Variants in HPSE2 observed in about 807,000 individuals in gnomAD.
The protein encoded by HPSE2 is inactive heparanase-2.
Under a neutral mutation model 60.5 loss-of-function variants are expected in HPSE2, and 38 were observed. The ratio of observed to expected loss-of-function variants is 0.63; its 90% CI spans 0.48 to 0.82. The LOEUF is 0.82. Among genes scored for constraint, HPSE2 ranks in the 40% least tolerant of loss-of-function variants. HPSE2 has a pLI of 0.00. For missense variants in HPSE2, 713 were observed against 740.4 expected, an observed-to-expected ratio of 0.96 and a Z score of 0.43; for synonymous variants, 295 against 293.2, an observed-to-expected ratio of 1.01 and a Z score of -0.06.
chr10:99,311,624 C>G, the HPSE2 span, among the ~76,000 whole-genome samples: 1 of 152,136 alleles, frequency 6.6e-6, no homozygotes, highest in African/African-American at 2.4e-5. Flanking sequence ...TCATCTCAGA[C>G]CTCCTATTCC....
intron 3 of HPSE2, among the ~76,000 whole-genome samples, chr10:98,795,267 C>A (rs1041371646): frequency 6.6e-6 from 1 of 152,200 alleles, no homozygotes; most frequent in Admixed American, 6.5e-5. Flanking sequence ...TGAAAAGAGG[C>A]ATTGAAGAGG....
intron 6 of HPSE2, among the ~76,000 whole-genome samples, chr10:98,648,862 C>G (rs1400835942): frequency 6.6e-6 from 1 of 152,006 alleles, no homozygotes; most frequent in Non-Finnish European, 1.5e-5. Context: ...AATCAAGTTC[C>G]TTTCTTCTGA....
rs540995686 is a variant in HPSE2 at position 98,938,766 on chromosome 10, C to T, written c.611-194710G>A. On this transcript the variant is annotated intron_variant, in intron 3 of 11. Transcript: ENST00000370552. ...AAAGATACTCCTCAAGAAGAGCAAC[C>T]CCAAGACACATCATTGTCAGATTCA... Among the ~76,000 whole-genome samples the T allele has an allele frequency of 3.6e-4, 52 of 142,942 alleles. 9 individuals are homozygous for T. The highest frequency in any genetic ancestry group is 1.2e-3 in the African/African-American group (43 of 34,948). The allele number at this position is 142,942 out of a possible 152,430, so 93.8% of individuals were successfully genotyped here.
chr10:98,892,979 T>C (rs567684467), intron 3 of HPSE2, among the ~76,000 whole-genome samples: 1 of 152,312 alleles, frequency 6.6e-6, no homozygotes, highest in African/African-American at 2.4e-5. Flanking sequence ...TTAGGTACAT[T>C]ATCTCATTTA....
the HPSE2 span, among the ~76,000 whole-genome samples, chr10:99,270,762 C>G: frequency 6.6e-6 from 1 of 152,128 alleles, no homozygotes; most frequent in African/African-American, 2.4e-5. Context: ...CTGAATCCAA[C>G]AGTGTATCAA....
At chr10:98,702,715 T>TAAAG (rs1490626252) in intron 5 of HPSE2, among the ~76,000 whole-genome samples, 3 of 152,064 alleles carry the variant, frequency 2.0e-5, no homozygotes, top group Non-Finnish European at 4.4e-5. Context: ...AAGGAAGAAA[T>TAAAG]AAAGAAGTTC....
At chr10:99,000,472 A>C (rs746485330) in intron 3 of HPSE2, among the ~76,000 whole-genome samples, 2 of 152,140 alleles carry the variant, frequency 1.3e-5, no homozygotes, top group Non-Finnish European at 2.9e-5. Flanking sequence ...AATTGCATAG[A>C]GTGACAAGAG....
At chr10:98,769,157 G>A (rs1230837047) in intron 3 of HPSE2, among the ~76,000 whole-genome samples, 2 of 152,052 alleles carry the variant, frequency 1.3e-5, no homozygotes, top group East Asian at 1.9e-4. Flanking sequence ...TAAAGTATAC[G>A]CAAATTGAAG....
Position 98,991,997 on chromosome 10 carries a change from T to C in HPSE2, c.610+152241A>G, listed in dbSNP as rs375312866. 1.1e-4 allele frequency among the ~76,000 whole-genome samples: 16 copies of C among 152,306 alleles called. No individual in the cohort carries two copies. The South Asian group carries it at 2.9e-3, about 28-fold the overall frequency. On this transcript the variant is annotated intron_variant, in intron 3 of 11. Coordinates refer to ENST00000370552, the MANE Select transcript of HPSE2 (RefSeq NM_021828.5). Reference sequence around the variant, plus strand: ...TTCCACATACCTTTCTCTAAAGCCATATAGCACCAATGCCTTTCCACTCAT... The same window carrying C: ...TTCCACATACCTTTCTCTAAAGCCACATAGCACCAATGCCTTTCCACTCAT...
At chr10:98,781,284 CTTCTTTTT>C (rs1950460406) in intron 3 of HPSE2, among the ~76,000 whole-genome samples, 1 of 87,154 alleles carries the variant, frequency 1.1e-5, no homozygotes, top group South Asian at 4.3e-4. Flanking sequence ...CATATATCCA[CTTCTTTTT>C]TTTTTTTTTT....
At chr10:98,979,084 A>G (rs1393094530) in intron 3 of HPSE2, among the ~76,000 whole-genome samples, 1 of 152,180 alleles carries the variant, frequency 6.6e-6, no homozygotes, top group African/African-American at 2.4e-5. Flanking sequence ...TTCCAAGCAC[A>G]GTGCTTAAGT....
chr10:99,230,927 C>A (rs963206303), intron 2 of HPSE2, among the ~76,000 whole-genome samples: 3 of 152,182 alleles, frequency 2.0e-5, no homozygotes, highest in African/African-American at 7.2e-5. Flanking sequence ...GGTCAAATTA[C>A]CATAGGAGGT....
At chr10:98,751,929 C>T (rs1949767264) in intron 3 of HPSE2, among the ~76,000 whole-genome samples, 1 of 152,136 alleles carries the variant, frequency 6.6e-6, no homozygotes, top group Non-Finnish European at 1.5e-5. Context: ...TAAGGGTTTA[C>T]TTTTGTGGAA....
chr10:98,646,322 CTTTTTTT>C (rs5787294), intron 6 of HPSE2, among the ~76,000 whole-genome samples: 1 of 144,950 alleles, frequency 6.9e-6, no homozygotes, highest in African/African-American at 2.5e-5. Flanking sequence ...TTTCTTTTTT[CTTTTTTT>C]TTTTTTAAAA....
chr10:99,184,232 A>T (rs922500667), intron 2 of HPSE2, among the ~76,000 whole-genome samples: 1 of 152,092 alleles, frequency 6.6e-6, no homozygotes, highest in Non-Finnish European at 1.5e-5. Flanking sequence ...AAGCAAAGAT[A>T]AGAAAAAAGC....
intron 3 of HPSE2, among the ~76,000 whole-genome samples, chr10:99,021,233 TTAA>T (rs1957255170): frequency 6.6e-6 from 1 of 152,208 alleles, no homozygotes; most frequent in Non-Finnish European, 1.5e-5. Context: ...CTTATAAACA[TTAA>T]TAATAAGAGT....
At chr10:98,782,757 T>G (rs1464962579) in intron 3 of HPSE2, among the ~76,000 whole-genome samples, 2 of 106,362 alleles carry the variant, frequency 1.9e-5, no homozygotes, top group African/African-American at 6.9e-5. Context: ...TGGTAGGGTA[T>G]GTAGGACCCT....
chr10:98,756,598 A>G (rs1949883921), intron 3 of HPSE2, among the ~76,000 whole-genome samples: 1 of 152,156 alleles, frequency 6.6e-6, no homozygotes, highest in Admixed American at 6.5e-5. Flanking sequence ...CTGGAAACAT[A>G]CAACCTGTCA....
chr10:99,009,422 AAAAC>A (rs530057453), intron 3 of HPSE2, among the ~76,000 whole-genome samples: 2 of 152,150 alleles, frequency 1.3e-5, no homozygotes, highest in Non-Finnish European at 2.9e-5. Context: ...CCAGTCTCAA[AAAAC>A]AAACAAACAA....
Sources: allele counts gnomAD v4.1 joint callset (sites outside exome capture counted in the v4.1 genomes callset), GRCh38; gene constraint gnomAD v4.1.1; transcripts MANE v1.5; gene names NCBI Gene and HGNC (gene_info 2026-07-23, HGNC 2026-07-21).